The following ZNF160 variants were observed in gnomAD, a reference collection of about 807,000 sequenced individuals.
ZNF160 encodes the protein KRAB zinc finger protein KR18.
ZNF160 carries 9 observed loss-of-function variants against 13.1 expected under a neutral mutation model. That is an observed-to-expected ratio of 0.69 (90% CI 0.41 to 1.20). The LOEUF is 1.20. Among genes scored for constraint, ZNF160 ranks in the 50% most tolerant of loss-of-function variants. The pLI is 0.01. For synonymous variants in ZNF160, 293 were observed against 333.2 expected (o/e 0.88, Z 1.31); for missense variants, 838 against 988.0 (o/e 0.85, Z 2.04).
Position 53,096,457 on chromosome 19 carries a change from T to G in ZNF160, c.-353-4737A>C, listed in dbSNP as rs566097752. ...AAGTCCACCCAGAAACACATCTGGC[T>G]GACTATGGGATCCCTGTCTGAGGCT... On this transcript the variant is annotated intron_variant, in intron 1 of 5. Coordinates refer to ENST00000683776, the MANE Select transcript of ZNF160 (RefSeq NM_001322131.2). Among the ~76,000 whole-genome samples the G allele has an allele frequency of 7.9e-5, 12 of 151,334 alleles. No individual in the cohort carries two copies. In the East Asian group the frequency reaches 2.1e-3, roughly 27 times the overall value.
chr19:53,080,261 G>A (rs567631226), intron 3 of ZNF160, among the ~76,000 whole-genome samples: 21 of 152,054 alleles, frequency 1.4e-4, no homozygotes, highest in Non-Finnish European at 2.5e-4. Flanking sequence ...CACCACGCCC[G>A]GCTAATTTTG....
At position 53,067,705 on chromosome 19, in the gene ZNF160, A is replaced by C; in HGVS notation, c.*372T>G. The C allele has an allele frequency of 5.8e-6, 1 of 171,156 alleles. No homozygotes were observed. 10.6% of individuals were successfully genotyped at this position (171,156 alleles called of 1,614,324 possible). ...TTTCGTATGTGAGTTAAAAATATAT[A>C]ATTTTTAGCATATTTGGACTTGTGA... On this transcript the variant is annotated 3_prime_UTR_variant, in exon 6 of 6. Coordinates refer to ENST00000683776, the MANE Select transcript of ZNF160 (RefSeq NM_001322131.2).
intron 3 of ZNF160, 190 bp downstream of exon 3, chr19:53,086,071 CT>C: frequency 3.6e-6 from 5 of 1,398,622 alleles, no homozygotes; most frequent in Non-Finnish European, 4.9e-6. Context: ...AGTGCAGCCT[CT>C]TCCCAAGTTC....
At chr19:53,080,719 C>A (rs905226000) in intron 3 of ZNF160, among the ~76,000 whole-genome samples, 5 of 152,264 alleles carry the variant, frequency 3.3e-5, no homozygotes, top group African/African-American at 9.6e-5. Flanking sequence ...TTAGAAAAAA[C>A]TTCTAAAATG....
intron 5 of ZNF160, chr19:53,073,114 A>G: frequency 8.5e-7 from 1 of 1,175,296 alleles, no homozygotes; most frequent in Non-Finnish European, 1.1e-6. Context: ...CCCAGTGACC[A>G]ACATCTCCCT....
chr19:53,092,295 A>C (rs1428016147), intron 1 of ZNF160, among the ~76,000 whole-genome samples: 1 of 152,122 alleles, frequency 6.6e-6, no homozygotes, highest in Non-Finnish European at 1.5e-5. Flanking sequence ...GCAAGATTTT[A>C]AGCGTATTTG....
intron 4 of ZNF160, 58 bp downstream of exon 4, chr19:53,074,999 G>A: frequency 4.3e-6 from 7 of 1,611,636 alleles, no homozygotes; most frequent in Non-Finnish European, 5.9e-6. Flanking sequence ...GACTCGTAAG[G>A]GAAAATGCAA....
Position 53,075,172 on chromosome 19 carries a change from T to C in ZNF160, c.27A>G (p.Thr9=). ...AGAATTCTATGGCCACATCCCTAAATGTCAACCGTACCTAAAATGAAAAAC... is the reference window on the plus strand; with the variant it reads ...AGAATTCTATGGCCACATCCCTAAACGTCAACCGTACCTAAAATGAAAAAC... The part of the protein sequence containing the change: MALTQVRL[T]FRDVAIEFSQ... The change falls in exon 4 of 6, where the codon ACA becomes ACG. Residue 9 remains threonine (T), a synonymous_variant. Transcript: ENST00000683776. 3.7e-6 allele frequency: 6 copies of C among 1,614,072 alleles called. No individual in the cohort carries two copies. The highest frequency in any genetic ancestry group is 5.1e-6 in the Non-Finnish European group (6 of 1,179,986).
Position 53,068,979 on chromosome 19 carries a change from T to C in ZNF160, c.1555A>G (p.Ser519Gly), listed in dbSNP as rs200276728. ...TGGGTAGTCAGACTTGAACGAACAC[T>C]GAAGGCTTTCCCACACTCATTACAC... ...YKCNECGKAF[S>G]VRSSLTTHQA... is the part of the protein sequence containing the mutation. Residue 519 changes from serine to glycine, a missense_variant, in exon 6 of 6, where the codon AGT becomes GGT. Physicochemically the swap from Ser to Gly is moderately conservative, Grantham distance 56. This residue lies in a region of ZNF160 where 400 missense variants were observed against 538.9 expected (regional missense o/e 0.74). Coordinates refer to ENST00000683776, the MANE Select transcript of ZNF160 (RefSeq NM_001322131.2). 1.1e-4 allele frequency: 180 copies of C among 1,614,108 alleles called. 2 individuals carry two copies. The South Asian group carries it at 1.6e-3, about 14-fold the overall frequency.
rs201813945 is a variant in ZNF160 at position 53,068,139 on chromosome 19, T to C, written c.2395A>G (p.Arg799Gly). The change falls in exon 6 of 6, where the codon AGG becomes GGG. Residue 799 changes from arginine (R) to glycine (G), a missense_variant. Physicochemically the swap from Arg to Gly is moderately radical, Grantham distance 125. Coordinates refer to ENST00000683776, the MANE Select transcript of ZNF160 (RefSeq NM_001322131.2). Reference protein sequence around the residue: ...YKCNECGKVFRQSSNLASHHR... With the variant: ...YKCNECGKVFGQSSNLASHHR... ...TGACTTGCAAGATTTGAACTCTGCC[T>C]GAAGACCTTGCCACACTCATTACAT... 4.5e-5 allele frequency: 73 copies of C among 1,614,032 alleles called. No individual in the cohort carries two copies. The East Asian group carries it at 1.3e-3, about 30-fold the overall frequency.
intron 2 of ZNF160, among the ~76,000 whole-genome samples, chr19:53,090,177 C>T (rs2084981766): frequency 1.3e-5 from 2 of 152,016 alleles, no homozygotes; most frequent in Admixed American, 6.5e-5. Context: ...TCTTGCTGTC[C>T]CAGCACCACA....
At chr19:53,074,504 A>G (rs547893900) in intron 4 of ZNF160, among the ~76,000 whole-genome samples, 1 of 151,818 alleles carries the variant, frequency 6.6e-6, no homozygotes, top group African/African-American at 2.4e-5. Context: ...TGTCTCTACT[A>G]AAAACATAAA....
chr19:53,085,311 G>A lies in ZNF160; in HGVS notation c.15+951C>T, dbSNP rs144020634. 5.0e-4 allele frequency: 331 copies of A among 655,522 alleles called. 2 individuals are homozygous for A. The African/African-American group carries it at 6.3e-3, about 12-fold the overall frequency. 40.6% of individuals were successfully genotyped at this position (655,522 alleles called of 1,614,324 possible). On this transcript the variant is annotated intron_variant, in intron 3 of 5. Coordinates refer to ENST00000683776, the MANE Select transcript of ZNF160 (RefSeq NM_001322131.2). ...GAATTTGTTTAAATCTCATAATGAT[G>A]TCAAAATACATTTCTACAGGACTTG...
At position 53,069,588 on chromosome 19, in the gene ZNF160, G is replaced by C; in HGVS notation, c.946C>G (p.His316Asp). The C allele has an allele frequency of 6.2e-7, 1 of 1,613,464 alleles. No homozygotes were observed. The highest frequency in any genetic ancestry group is 8.5e-7 in the Non-Finnish European group (1 of 1,179,864). ...IHTGEKPYKC[H>D]ECGKVFRHNS... The stretch of plus-strand genomic sequence containing the variant: ...TGCCTGAAGACCTTGCCACACTCAT[G>C]ACATTTGTAAGGTTTTTCTCCAGTA... Residue 316 changes from histidine to aspartate, a missense_variant, in exon 6 of 6, where the codon CAT becomes GAT. By Grantham distance (81) the His-to-Asp change is moderately conservative. Around this residue, in one of 3 missense-constraint regions of ZNF160, gnomAD observed 387 missense variants for 402.3 expected, o/e 0.96. Transcript: ENST00000683776. The surrounding 1 kb of genome is among the most constrained non-coding windows in gnomAD (Gnocchi z 4.4).
chr19:53,069,830 T>C lies in ZNF160; in HGVS notation c.704A>G (p.Tyr235Cys), dbSNP rs1247904551. 6.2e-7 allele frequency: 1 copy of C among 1,614,200 alleles called. No individual in the cohort carries two copies. Among genetic ancestry groups the C allele is most frequent in the Non-Finnish European group, 8.5e-7 (1 of 1,180,042 alleles). ...SSVQTHRSKK[Y>C]HELNHFSLLT... ...TAATGAAAAATGGTTAAGTTCATGA[T>C]ATTTTTTAGACCTGTGGGTTTGGAC... The change falls in exon 6 of 6, where the codon TAT becomes TGT. Residue 235 changes from tyrosine (Y) to cysteine (C), a missense_variant. Physicochemically the swap from Tyr to Cys is radical, Grantham distance 194 (BLOSUM62 -2). Coordinates refer to ENST00000683776, the MANE Select transcript of ZNF160 (RefSeq NM_001322131.2). This position sits in a 1 kb window ranked among gnomAD's most constrained non-coding sequence, Gnocchi z 4.4.
At chr19:53,078,448 A>C (rs753250825) in intron 3 of ZNF160, among the ~76,000 whole-genome samples, 1 of 150,624 alleles carries the variant, frequency 6.6e-6, no homozygotes, top group Non-Finnish European at 1.5e-5. Context: ...AAATAGAAGA[A>C]TGATGAAGAT....
chr19:53,082,802 G>A (rs1174446600), intron 3 of ZNF160, among the ~76,000 whole-genome samples: 1 of 152,210 alleles, frequency 6.6e-6, no homozygotes. Context: ...CCATCTACCT[G>A]GAGATAGTGG....
rs752755148 is a variant in ZNF160 at position 53,068,681 on chromosome 19, T to C, written c.1853A>G (p.Glu618Gly). The change falls in exon 6 of 6, where the codon GAG becomes GGG. Residue 618 changes from glutamate to glycine, a missense_variant. Transcript: ENST00000683776. Reference sequence around the variant, plus strand: ...GCATTCATGACATTTGTAAGGTTTCTCTCCAGTATGTATTGCCTGATGAAA... The same window carrying C: ...GCATTCATGACATTTGTAAGGTTTCCCTCCAGTATGTATTGCCTGATGAAA... ...LTFHQAIHTG[E>G]KPYKCHECGK... 3 of 1,614,072 alleles carry C rather than the reference T, an allele frequency of 1.9e-6. No individual in the cohort carries two copies. In the Admixed American group the frequency reaches 5.0e-5, roughly 27 times the overall value.
intron 3 of ZNF160, chr19:53,085,867 T>C (rs1163776738): frequency 6.9e-6 from 4 of 581,560 alleles, no homozygotes; most frequent in Non-Finnish European, 1.2e-5. Flanking sequence ...TTAGTGTTCT[T>C]TTCTATGCCA....
Sources: gnomAD v4.1 joint callset for allele counts (sites outside exome capture counted in the v4.1 genomes callset) on GRCh38, gnomAD v4.1.1 for gene constraint, gnomAD v4.1.1 regional missense constraint, Gnocchi (gnomAD v3.1) non-coding constraint, MANE v1.5 for transcripts, NCBI Gene and HGNC (gene_info 2026-07-23, HGNC 2026-07-21) for gene names.